The following MACF1 variants were observed in gnomAD, a reference collection of about 807,000 sequenced individuals.
MACF1 encodes microtubule-actin cross-linking factor 1.
MACF1 carries 193 observed loss-of-function variants against 854.8 expected under a neutral mutation model. The observed-to-expected ratio is 0.23, with a 90% CI of 0.20 to 0.25. MACF1 has a LOEUF of 0.25. Ranked by LOEUF, MACF1 falls within the 10% of genes least tolerant of loss-of-function variation. MACF1 has a pLI of 1.00. For missense variants in MACF1, 7,722 were observed against 8,929.1 expected (o/e 0.86, Z 5.45); for synonymous variants, 3,185 against 3,226.7 (o/e 0.99, Z 0.44).
chr1:39,131,659 A>G (rs1010080475), intron 2 of MACF1, among the ~76,000 whole-genome samples: 6 of 152,196 alleles, frequency 3.9e-5, no homozygotes, highest in African/African-American at 1.4e-4. Flanking sequence ...AGTGGAGGGA[A>G]GCTTTAAATA....
Position 39,208,902 on chromosome 1 carries a change from C to A in MACF1, c.109+3771C>A, listed in dbSNP as rs970279824. 2.0e-5 allele frequency among the ~76,000 whole-genome samples: 3 copies of A among 151,670 alleles called. No individual in the cohort carries two copies. In the East Asian group the frequency reaches 5.8e-4, roughly 30 times the overall value. On this transcript the variant is annotated intron_variant, in intron 1 of 100. Transcript: ENST00000564288. The stretch of plus-strand genomic sequence containing the variant: ...CCTTCCAAAGTGCTGGGATTACAGG[C>A]GAAAACAGGGACTATTACTCATCTC...
chr1:39,290,540 T>C (rs2148396720), intron 15 of MACF1, among the ~76,000 whole-genome samples: 1 of 152,106 alleles, frequency 6.6e-6, no homozygotes, highest in Admixed American at 6.5e-5. Context: ...ATATAAATTT[T>C]AGAATTTTTT....
In MACF1 at chr1:39,361,590, G is replaced by T. The variant is rs1648189378; in HGVS notation, c.12684G>T (p.Leu4228=). 6.2e-7 allele frequency: 1 copy of T among 1,614,192 alleles called. No individual in the cohort carries two copies. Among genetic ancestry groups the T allele is most frequent in the Non-Finnish European group, 8.5e-7 (1 of 1,180,044 alleles). ...AEMFEHLSGK[L]QQFMENKSRM... ...TGTTTGAACACCTCTCTGGTAAGCT[G>T]CAGCAGTTCATGGAAAACAAAAGTC... is the stretch of plus-strand genomic sequence containing the variant. The change falls in exon 49 of 101, where the codon CTG becomes CTT. Residue 4228 remains leucine (L), a synonymous_variant. Transcript: ENST00000564288.
Position 39,442,875 on chromosome 1 carries a change from G to C in MACF1, c.19266G>C (p.Glu6422Asp). Reference sequence around the variant, plus strand: ...GGGAGTCAGTGTTACAGAAAACAGAGGAGAGGGAGCAGCAGCTTCAGTCAA... The same window carrying C: ...GGGAGTCAGTGTTACAGAAAACAGACGAGAGGGAGCAGCAGCTTCAGTCAA... ...QCWESVLQKTEEREQQLQSTL... is the reference protein window; with the variant it reads ...QCWESVLQKTDEREQQLQSTL... The change falls in exon 78 of 101, where the codon GAG (glutamate) becomes GAC (aspartate). Residue 6422 changes from glutamate (E) to aspartate (D), a missense_variant. Glu to Asp is a conservative substitution (Grantham distance 45). Around this residue, in one of 15 missense-constraint regions of MACF1, gnomAD observed 729 missense variants for 900.5 expected, o/e 0.81. Transcript: ENST00000564288. 6.2e-7 allele frequency: 1 copy of C among 1,614,108 alleles called. No homozygotes were observed. Among genetic ancestry groups the C allele is most frequent in the Non-Finnish European group, 8.5e-7 (1 of 1,180,010 alleles).
At position 39,359,334 on chromosome 1, in the gene MACF1, A is replaced by G; in HGVS notation, c.12244+70A>G. The stretch of plus-strand genomic sequence containing the variant: ...ATGTACCTCTATTCTGCAATATGTC[A>G]CATTGTGTTGTGCAAATATCTGTGG... On this transcript the variant is annotated intron_variant, in intron 47 of 100. Transcript: ENST00000564288. 4 of 1,544,514 alleles carry G rather than the reference A, an allele frequency of 2.6e-6. No homozygotes were observed. In the East Asian group the frequency reaches 9.0e-5, roughly 35 times the overall value.
intron 52 of MACF1, among the ~76,000 whole-genome samples, chr1:39,377,902 G>A (rs939802763): frequency 6.6e-6 from 1 of 151,912 alleles, no homozygotes; most frequent in Non-Finnish European, 1.5e-5. Context: ...TGTTTGAGAG[G>A]CTGAGATGGG....
chr1:39,296,885 G>T (rs1645929784), intron 20 of MACF1, among the ~76,000 whole-genome samples: 1 of 151,936 alleles, frequency 6.6e-6, no homozygotes, highest in African/African-American at 2.4e-5. Context: ...TTATTTTCAG[G>T]TGAGGTGGGA....
intron 2 of MACF1, among the ~76,000 whole-genome samples, chr1:39,102,099 C>T (rs1413900040): frequency 1.3e-5 from 2 of 150,532 alleles, no homozygotes; most frequent in African/African-American, 4.9e-5. Context: ...TGGCGTGAAC[C>T]CCGGGGGGCG....
chr1:39,249,730 G>T, intron 2 of MACF1: 1 of 250,104 alleles, frequency 4.0e-6, no homozygotes, highest in Non-Finnish European at 7.7e-6. Context: ...GGATAATTAA[G>T]ACTCCCCATC....
chr1:39,328,861 G>T (rs1297656375), intron 36 of MACF1, among the ~76,000 whole-genome samples: 1 of 152,244 alleles, frequency 6.6e-6, no homozygotes, highest in Non-Finnish European at 1.5e-5. Flanking sequence ...TTATATGAGG[G>T]TGTTGGAAGT....
At chr1:39,256,144 T>C (rs1312890265) in intron 5 of MACF1, among the ~76,000 whole-genome samples, 1 of 152,084 alleles carries the variant, frequency 6.6e-6, no homozygotes, top group East Asian at 1.9e-4. Flanking sequence ...AAGGTGATGA[T>C]GAGGCAGGAA....
intron 6 of MACF1, among the ~76,000 whole-genome samples, chr1:39,281,356 T>A (rs1645541229): frequency 6.6e-6 from 1 of 152,184 alleles, no homozygotes. Context: ...TACATATATA[T>A]GACTGTATAC....
intron 49 of MACF1, among the ~76,000 whole-genome samples, chr1:39,363,678 T>C (rs375047040): frequency 2.6e-5 from 4 of 151,688 alleles, no homozygotes; most frequent in East Asian, 3.9e-4. Flanking sequence ...GGCACGATCT[T>C]GGCTCACTGT....
chr1:39,242,660 AG>A (rs1644938300), intron 2 of MACF1, among the ~76,000 whole-genome samples: 1 of 151,178 alleles, frequency 6.6e-6, no homozygotes, highest in African/African-American at 2.4e-5. Context: ...ACCTGAGCCC[AG>A]GAAGTCGAGG....
intron 44 of MACF1, 81 bp downstream of exon 44, chr1:39,353,312 A>T (rs1396784780): frequency 1.9e-6 from 2 of 1,044,854 alleles, no homozygotes; most frequent in East Asian, 5.0e-5. Context: ...CTTGCCCCTA[A>T]ATCCAGTGAG....
chr1:39,135,276 T>A (rs891396830), intron 2 of MACF1, among the ~76,000 whole-genome samples: 1 of 152,242 alleles, frequency 6.6e-6, no homozygotes, highest in Non-Finnish European at 1.5e-5. Flanking sequence ...AGACAGCGTC[T>A]TGCTCTGTTG....
rs751447428 is a variant in MACF1 at position 39,336,348 on chromosome 1, T to C, written c.9760T>C (p.Ser3254Pro). The C allele has an allele frequency of 1.3e-5, 21 of 1,614,004 alleles. No individual in the cohort carries two copies. Among genetic ancestry groups the C allele is most frequent in the Non-Finnish European group, 1.7e-5 (20 of 1,180,018 alleles). Reference sequence around the variant, plus strand: ...TAATGTTGCAGGTCTAGAAGCAGGATCCATTGAGGACATAGTGACTCAGAG... The same window carrying C: ...TAATGTTGCAGGTCTAGAAGCAGGACCCATTGAGGACATAGTGACTCAGAG... The part of the protein sequence containing the change: ...NPNVAGLEAG[S>P]IEDIVTQRGS... The change falls in exon 37 of 101, where the codon TCC (serine) becomes CCC (proline). Residue 3254 changes from serine to proline, a missense_variant. Coordinates refer to ENST00000564288, the MANE Select transcript of MACF1 (RefSeq NM_001394062.1).
intron 35 of MACF1, among the ~76,000 whole-genome samples, chr1:39,325,461 A>G (rs1359564479): frequency 6.6e-6 from 1 of 152,234 alleles, no homozygotes; most frequent in Non-Finnish European, 1.5e-5. Flanking sequence ...AGAAGCCAGG[A>G]CATAGGAGCA....
At chr1:39,441,203 G>A (rs756834816) in intron 73 of MACF1, 21 bp from the exon 74 acceptor site, 19 of 1,613,586 alleles carry the variant, frequency 1.2e-5, no homozygotes, top group Non-Finnish European at 1.6e-5. Flanking sequence ...TGAAGAATCT[G>A]ATTGAATGTT....
Sources: allele counts gnomAD v4.1 joint callset (sites outside exome capture counted in the v4.1 genomes callset), GRCh38; gene constraint gnomAD v4.1.1; regional missense constraint gnomAD v4.1.1; transcripts MANE v1.5; gene names NCBI Gene and HGNC (gene_info 2026-07-23, HGNC 2026-07-21).